TMEM127: variants seen among roughly 807,000 people sequenced by gnomAD.
The protein encoded by TMEM127 is transmembrane protein 127.
TMEM127 carries 21 observed loss-of-function variants against 20.1 expected under a neutral mutation model. The observed-to-expected ratio is 1.04, with a 90% CI of 0.74 to 1.50. The LOEUF (loss-of-function observed/expected upper bound fraction) is 1.50, where lower values mean the gene tolerates loss of function less well. Among genes scored for constraint, TMEM127 ranks in the 40% most tolerant of loss-of-function variants. The pLI, the probability that TMEM127 is intolerant of heterozygous loss-of-function variation, is 0.00. For missense variants in TMEM127, 303 were observed against 317.4 expected (o/e 0.95, Z 0.34); for synonymous variants, 150 against 144.7 (o/e 1.04, Z -0.26).
At chr2:96,264,026 ACCAGTTGTCC>A (rs1214607867) in intron 2 of TMEM127, among the ~76,000 whole-genome samples, 1 of 152,200 alleles carries the variant, frequency 6.6e-6, no homozygotes, top group African/African-American at 2.4e-5. Flanking sequence ...TCTGGAAACA[ACCAGTTGTCC>A]CCAACCTTCT....
intron 2 of TMEM127, among the ~76,000 whole-genome samples, chr2:96,262,797 T>C (rs1397126026): frequency 1.3e-5 from 2 of 151,992 alleles, no homozygotes; most frequent in Non-Finnish European, 2.9e-5. Flanking sequence ...GCGATTCTCC[T>C]GCCTCAGCCT....
At chr2:96,260,619 A>C (rs1472291275) in intron 2 of TMEM127, 1 of 152,230 alleles carries the variant, frequency 6.6e-6, no homozygotes, top group Non-Finnish European at 1.5e-5. Context: ...GTCACTGGTG[A>C]GTCACCAGGC....
intron 3 of TMEM127, among the ~76,000 whole-genome samples, chr2:96,254,613 C>G (rs1206430650): frequency 6.6e-6 from 1 of 152,194 alleles, no homozygotes; most frequent in Non-Finnish European, 1.5e-5. Context: ...AACATTTCCC[C>G]TCTACAGCTG....
chr2:96,256,529 C>T (rs1017708207), intron 2 of TMEM127, among the ~76,000 whole-genome samples: 3 of 149,520 alleles, frequency 2.0e-5, no homozygotes, highest in African/African-American at 7.4e-5. Context: ...CGAGATTGCG[C>T]CTTCACACTC....
chr2:96,251,706 A>G lies in TMEM127; in HGVS notation c.*2102T>C. ...TTTTCCCTTTTAATTTTTTTCTAGA[A>G]AAAAAAACACAACCCGGGGAATTTA... On this transcript the variant is annotated 3_prime_UTR_variant, in exon 4 of 4. Coordinates refer to ENST00000258439, the MANE Select transcript of TMEM127 (RefSeq NM_017849.4). The G allele has an allele frequency of 4.3e-6, 1 of 231,680 alleles. No individual in the cohort carries two copies. 14.4% of individuals were successfully genotyped at this position (231,680 alleles called of 1,614,324 possible). A position where few individuals can be genotyped will look rare whatever the true frequency, so the allele number is the denominator to read the frequency against.
chr2:96,262,917 G>A (rs1422717486), intron 2 of TMEM127, among the ~76,000 whole-genome samples: 9 of 152,216 alleles, frequency 5.9e-5, no homozygotes, highest in African/African-American at 1.7e-4. Context: ...GACCTCAGGT[G>A]ATCCATCCGC....
rs988624837 is a variant in TMEM127, at chr2:96,265,980, C to G, written c.-243G>C. The G allele has an allele frequency of 5.1e-6, 1 of 195,294 alleles. No individual in the cohort carries two copies. Among genetic ancestry groups the G allele is most frequent in the South Asian group, 1.6e-4 (1 of 6,272 alleles). The allele number at this position is 195,294 out of a possible 1,614,324, so 12.1% of individuals were successfully genotyped here. A position where few individuals can be genotyped will look rare whatever the true frequency, so the allele number is the denominator to read the frequency against. The stretch of plus-strand genomic sequence containing the variant: ...CAATCCCGCAACGCCCGGACAGACC[C>G]GGGGCCGATGCACTTCCGGCTTCCT... On this transcript the variant is annotated 5_prime_UTR_variant, in exon 1 of 4. Coordinates refer to ENST00000258439, the MANE Select transcript of TMEM127 (RefSeq NM_017849.4).
chr2:96,263,425 C>G (rs1005134047), intron 2 of TMEM127, among the ~76,000 whole-genome samples: 2 of 149,776 alleles, frequency 1.3e-5, no homozygotes, highest in African/African-American at 4.9e-5. Context: ...CGCAATGGCG[C>G]GATCTCAGCT....
intron 2 of TMEM127, among the ~76,000 whole-genome samples, chr2:96,263,360 CTTT>C (rs1157265984): frequency 4.6e-5 from 5 of 109,396 alleles, no homozygotes; most frequent in Admixed American, 9.4e-5. Context: ...CCTGGCCTTT[CTTT>C]TTTTTTTTTT....
chr2:96,255,594 T>C (rs1260025795), intron 2 of TMEM127, among the ~76,000 whole-genome samples: 1 of 152,116 alleles, frequency 6.6e-6, no homozygotes, highest in African/African-American at 2.4e-5. Context: ...TGCCAGCAGG[T>C]AGGGAGAGGG....
At chr2:96,256,894 A>T (rs1262162218) in intron 2 of TMEM127, among the ~76,000 whole-genome samples, 2 of 152,190 alleles carry the variant, frequency 1.3e-5, no homozygotes, top group East Asian at 3.8e-4. Context: ...GACTCAGCAG[A>T]CTCGGCAGAG....
chr2:96,262,408 T>C (rs1573975677), intron 2 of TMEM127, among the ~76,000 whole-genome samples: 1 of 152,226 alleles, frequency 6.6e-6, no homozygotes. Flanking sequence ...ATACTACATG[T>C]CTGAAGGCCC....
chr2:96,250,051 C>G lies in TMEM127; in HGVS notation c.*3757G>C, dbSNP rs901260128. On this transcript the variant is annotated 3_prime_UTR_variant, in exon 4 of 4. Transcript: ENST00000258439. Reference sequence around the variant, plus strand: ...ACTGGGCCCTGGGATTGACTGTGACCGCCCTCTTCCCCTTTGGCAGGTCCT... The same window carrying G: ...ACTGGGCCCTGGGATTGACTGTGACGGCCCTCTTCCCCTTTGGCAGGTCCT... 4.3e-6 allele frequency: 1 copy of G among 233,178 alleles called. No homozygotes were observed. The highest frequency in any genetic ancestry group is 2.2e-5 in the African/African-American group (1 of 45,352). The allele number at this position is 233,178 out of a possible 1,614,324, so 14.4% of individuals were successfully genotyped here. A position where few individuals can be genotyped will look rare whatever the true frequency, so the allele number is the denominator to read the frequency against.
rs748082583 is a variant in TMEM127, at chr2:96,249,838, G to A, written c.*3970C>T. On this transcript the variant is annotated 3_prime_UTR_variant, in exon 4 of 4. Transcript: ENST00000258439. ...ATTCTCTAGTCATCTTGGGAAAGCC[G>A]CCCTGCCCCAGATGCACCACCTCTT... The A allele has an allele frequency of 8.6e-6, 2 of 233,020 alleles. No individual in the cohort carries two copies. The highest frequency in any genetic ancestry group is 2.2e-5 in the African/African-American group (1 of 45,322). The allele number at this position is 233,020 out of a possible 1,614,324, so 14.4% of individuals were successfully genotyped here.
chr2:96,255,774 C>A (rs1684190052), intron 2 of TMEM127, among the ~76,000 whole-genome samples: 1 of 151,632 alleles, frequency 6.6e-6, no homozygotes, highest in South Asian at 2.1e-4. Context: ...GGCCAAGAGT[C>A]TGAGATCAGC....
Position 96,249,384 on chromosome 2 carries a change from C to A in TMEM127, c.*4424G>T. ...GTGCTGGGATAATAGGCGTGAGCCACCGCACCCGGCCAGAACTGATCTTAA... is the reference window on the plus strand; with the variant it reads ...GTGCTGGGATAATAGGCGTGAGCCAACGCACCCGGCCAGAACTGATCTTAA... On this transcript the variant is annotated 3_prime_UTR_variant, in exon 4 of 4. Transcript: ENST00000258439. 4.6e-6 allele frequency: 1 copy of A among 217,452 alleles called. No homozygotes were observed. Among genetic ancestry groups the A allele is most frequent in the Non-Finnish European group, 9.3e-6 (1 of 107,954 alleles). The allele number at this position is 217,452 out of a possible 1,614,324, so 13.5% of individuals were successfully genotyped here. A position where few individuals can be genotyped will look rare whatever the true frequency, so the allele number is the denominator to read the frequency against.
In TMEM127 at chr2:96,252,524, C is replaced by A. The variant is rs1684114525; in HGVS notation, c.*1284G>T. ...TGAGCAAGAAAGTCCCAGCAGCACA[C>A]TGCAAGACCAGAGTACATTCAAGAG... On this transcript the variant is annotated 3_prime_UTR_variant, in exon 4 of 4. Coordinates refer to ENST00000258439, the MANE Select transcript of TMEM127 (RefSeq NM_017849.4). This position sits in a 1 kb window ranked among gnomAD's most constrained non-coding sequence, Gnocchi z 4.2. The A allele has an allele frequency of 4.3e-6, 1 of 233,812 alleles. No homozygotes were observed. The highest frequency in any genetic ancestry group is 2.2e-5 in the African/African-American group (1 of 45,348). 14.5% of individuals were successfully genotyped at this position (233,812 alleles called of 1,614,324 possible).
At position 96,248,890 on chromosome 2, in the gene TMEM127, C is replaced by G. The variant is rs1684028791; in HGVS notation, c.*4918G>C. The G allele has an allele frequency of 4.3e-6, 1 of 232,480 alleles. No individual in the cohort carries two copies. The highest frequency in any genetic ancestry group is 2.2e-5 in the African/African-American group (1 of 45,266). The allele number at this position is 232,480 out of a possible 1,614,324, so 14.4% of individuals were successfully genotyped here. ...GACACAGGGTTGGCTGGAGGGGCCT[C>G]TCCCTCATCTTGTACATCTTATGAA... is the stretch of plus-strand genomic sequence containing the variant. On this transcript the variant is annotated 3_prime_UTR_variant, in exon 4 of 4. Transcript: ENST00000258439.
At chr2:96,262,586 A>G (rs1684332327) in intron 2 of TMEM127, among the ~76,000 whole-genome samples, 1 of 152,274 alleles carries the variant, frequency 6.6e-6, no homozygotes, top group Non-Finnish European at 1.5e-5. Flanking sequence ...GCAAGCAAGT[A>G]GAAACTATAC....
Sources: allele counts gnomAD v4.1 joint callset (sites outside exome capture counted in the v4.1 genomes callset), GRCh38; gene constraint gnomAD v4.1.1; non-coding constraint Gnocchi (gnomAD v3.1); transcripts MANE v1.5; gene names NCBI Gene and HGNC (gene_info 2026-07-23, HGNC 2026-07-21).